Variants in ZNF804B observed in about 807,000 individuals in gnomAD.
ZNF804B encodes the protein zinc finger 804B.
A neutral mutation model predicts 101.4 loss-of-function variants in ZNF804B; 80 were observed. The observed-to-expected ratio is 0.79, with a 90% CI of 0.66 to 0.95. ZNF804B has a LOEUF of 0.95. ZNF804B is among the 40% of genes least tolerant of loss of function. The pLI, the probability that ZNF804B is intolerant of heterozygous loss-of-function variation, is 0.00. For missense variants in ZNF804B, 1,673 were observed against 1,561.9 expected, an observed-to-expected ratio of 1.07 and a Z score of -1.20; for synonymous variants, 622 against 558.8, an observed-to-expected ratio of 1.11 and a Z score of -1.59.
chr7:88,935,965 G>A lies in ZNF804B; in HGVS notation c.108+175881G>A, dbSNP rs140137817. Among the ~76,000 whole-genome samples, 39 of 137,094 alleles carry A rather than the reference G, an allele frequency of 2.8e-4. No individual in the cohort carries two copies. The East Asian group carries it at 5.1e-3, about 18-fold the overall frequency. The allele number at this position is 137,094 out of a possible 152,430, so 89.9% of individuals were successfully genotyped here. ...TCATTCTTTCATCTTTCTGTTTTCC[G>A]ATTTTTCTTTTTCTCTCTTTCTCCC... On this transcript the variant is annotated intron_variant, in intron 1 of 3. Transcript: ENST00000333190.
intron 1 of ZNF804B, among the ~76,000 whole-genome samples, chr7:88,866,818 GCTTGGCATTTC>G (rs1181728103): frequency 6.6e-6 from 1 of 152,170 alleles, no homozygotes; most frequent in Non-Finnish European, 1.5e-5. Context: ...CCCATATTTA[GCTTGGCATTTC>G]CTTTAAAAAT....
At chr7:88,877,026 A>ATT (rs1491138122) in intron 1 of ZNF804B, among the ~76,000 whole-genome samples, 1 of 41,096 alleles carries the variant, frequency 2.4e-5, no homozygotes, top group African/African-American at 1.7e-4. Flanking sequence ...ATATATATAT[A>ATT]ATATATATAT....
rs535179134 is a variant in ZNF804B, at chr7:89,044,084, C to T, written c.109-174071C>T. On this transcript the variant is annotated intron_variant, in intron 1 of 3. Transcript: ENST00000333190. ...ACAGAAAGACAGACACTGCATAATCCCCACATGTCCTGGGAGGCATTCAGT... is the reference window on the plus strand; with the variant it reads ...ACAGAAAGACAGACACTGCATAATCTCCACATGTCCTGGGAGGCATTCAGT... Among the ~76,000 whole-genome samples, 13 of 152,160 alleles carry T rather than the reference C, an allele frequency of 8.5e-5. 2 individuals carry two copies. Among genetic ancestry groups the T allele is most frequent in the African/African-American group, 3.1e-4 (13 of 41,504 alleles).
chr7:88,852,685 C>T (rs1388942735), intron 1 of ZNF804B, among the ~76,000 whole-genome samples: 3 of 152,122 alleles, frequency 2.0e-5, no homozygotes, highest in African/African-American at 7.2e-5. Context: ...GTGTACAAGA[C>T]ATCAATCTTC....
chr7:88,877,062 T>TGAAAAAAAAAATATATATATATAA (rs1583992424), intron 1 of ZNF804B, among the ~76,000 whole-genome samples: 1 of 63,154 alleles, frequency 1.6e-5, no homozygotes, highest in Non-Finnish European at 2.9e-5. Context: ...TTTTTTTTTT[T>TGAAAAAAAAAATATATATATATAA]TTTTTTTTTT....
chr7:88,921,807 G>A (rs1562832570), intron 1 of ZNF804B, among the ~76,000 whole-genome samples: 1 of 151,788 alleles, frequency 6.6e-6, no homozygotes, highest in Non-Finnish European at 1.5e-5. Flanking sequence ...GAATAAACAT[G>A]GTATAGCAAG....
intron 1 of ZNF804B, among the ~76,000 whole-genome samples, chr7:88,970,509 A>T (rs1285216298): frequency 6.6e-6 from 1 of 151,574 alleles, no homozygotes; most frequent in East Asian, 2.0e-4. Context: ...GTCTAATATT[A>T]ATTTTTCTTT....
chr7:88,901,154 C>T (rs1053189926), intron 1 of ZNF804B, among the ~76,000 whole-genome samples: 8 of 151,664 alleles, frequency 5.3e-5, no homozygotes, highest in Non-Finnish European at 1.0e-4. Context: ...AGCTATTTTC[C>T]GTATAATTCA....
At chr7:89,033,148 A>G (rs150550883) in intron 1 of ZNF804B, among the ~76,000 whole-genome samples, 1 of 152,020 alleles carries the variant, frequency 6.6e-6, no homozygotes, top group East Asian at 1.9e-4. Flanking sequence ...AGCCTCTGGT[A>G]ACCACCATTC....
intron 2 of ZNF804B, among the ~76,000 whole-genome samples, chr7:89,236,733 T>A (rs182897322): frequency 6.2e-4 from 94 of 152,274 alleles, no homozygotes; most frequent in Non-Finnish European, 1.2e-3. Flanking sequence ...TTAGATTTAA[T>A]AGATGGTGCT....
rs184475694 is a variant in ZNF804B at position 89,133,205 on chromosome 7, A to G, written c.109-84950A>G. On this transcript the variant is annotated intron_variant, in intron 1 of 3. Coordinates refer to ENST00000333190, the MANE Select transcript of ZNF804B (RefSeq NM_181646.5). ...AGGGAGGTAAATGAGCTTCTTGTCTATTGGCAGTGCTGAGACCTGCAAAGG... is the reference window on the plus strand; with the variant it reads ...AGGGAGGTAAATGAGCTTCTTGTCTGTTGGCAGTGCTGAGACCTGCAAAGG... 3.0e-3 allele frequency among the ~76,000 whole-genome samples: 453 copies of G among 152,168 alleles called. 2 individuals carry two copies. Among genetic ancestry groups the G allele is most frequent in the South Asian group, 8.7e-3 (42 of 4,824 alleles).
intron 1 of ZNF804B, among the ~76,000 whole-genome samples, chr7:89,088,697 C>T (rs1562881345): frequency 1.3e-5 from 2 of 150,186 alleles, no homozygotes; most frequent in Non-Finnish European, 3.0e-5. Flanking sequence ...AACCCCCTGT[C>T]ATGCTCCATG....
At chr7:89,246,772 T>C (rs138289014) in intron 2 of ZNF804B, among the ~76,000 whole-genome samples, 4,089 of 152,214 alleles carry the variant, frequency 0.027, 60 homozygotes, top group Non-Finnish European at 0.042. Flanking sequence ...TGGGCATAGA[T>C]TGTGGTGCAA....
At chr7:88,879,853 A>C (rs1461791254) in intron 1 of ZNF804B, among the ~76,000 whole-genome samples, 2 of 152,130 alleles carry the variant, frequency 1.3e-5, no homozygotes, top group Non-Finnish European at 2.9e-5. Context: ...AGCCTGGGAA[A>C]CATGGTGAAA....
chr7:88,959,569 C>A (rs779548685), intron 1 of ZNF804B, among the ~76,000 whole-genome samples: 2 of 151,376 alleles, frequency 1.3e-5, no homozygotes. Context: ...GTCATTTCTC[C>A]TTCTAAGCTC....
chr7:88,767,200 A>G (rs1239048392), intron 1 of ZNF804B, among the ~76,000 whole-genome samples: 1 of 152,102 alleles, frequency 6.6e-6, no homozygotes, highest in East Asian at 1.9e-4. Flanking sequence ...GCGCTCTTTC[A>G]CCCAACCTTA....
chr7:89,259,623 G>A (rs1789681926), intron 2 of ZNF804B, among the ~76,000 whole-genome samples: 1 of 152,120 alleles, frequency 6.6e-6, no homozygotes, highest in Non-Finnish European at 1.5e-5. Flanking sequence ...CCCTGATTTA[G>A]CAAGTAGACT....
chr7:89,128,206 ATTAT>A (rs1406685362), intron 1 of ZNF804B, among the ~76,000 whole-genome samples: 3 of 151,844 alleles, frequency 2.0e-5, no homozygotes, highest in Non-Finnish European at 4.4e-5. Context: ...ACTTTAGACA[ATTAT>A]TTATTTGGGT....
rs188085015 is a variant in ZNF804B at position 88,889,883 on chromosome 7, T to C, written c.108+129799T>C. Among the ~76,000 whole-genome samples the C allele has an allele frequency of 1.4e-4, 22 of 152,284 alleles. No individual in the cohort carries two copies. The East Asian group carries it at 4.1e-3, about 28-fold the overall frequency. On this transcript the variant is annotated intron_variant, in intron 1 of 3. Transcript: ENST00000333190. ...GTTCAGAAAAGTGTTTCCTAGCTTTTCTTCTAGGATTTTTATAATTTGAGG... is the reference window on the plus strand; with the variant it reads ...GTTCAGAAAAGTGTTTCCTAGCTTTCCTTCTAGGATTTTTATAATTTGAGG...
Sources: gnomAD v4.1 joint callset for allele counts (sites outside exome capture counted in the v4.1 genomes callset) on GRCh38, gnomAD v4.1.1 for gene constraint, MANE v1.5 for transcripts, NCBI Gene and HGNC (gene_info 2026-07-23, HGNC 2026-07-21) for gene names.